STAT1: variants seen among roughly 807,000 people sequenced by gnomAD.
STAT1 encodes signal transducer and activator of transcription 1, also known as signal transducer and activator of transcription 1-alpha/beta.
STAT1 carries 24 observed loss-of-function variants against 111.7 expected under a neutral mutation model. The observed-to-expected ratio is 0.21, with a 90% confidence interval of 0.16 to 0.30. STAT1 has a LOEUF of 0.30. Ranked by LOEUF, STAT1 falls within the 10% of genes least tolerant of loss-of-function variation. The pLI is 1.00. For synonymous variants in STAT1, 332 were observed against 326.5 expected (o/e 1.02, Z -0.18); for missense variants, 351 against 911.9 (o/e 0.38, Z 7.92).
intron 12 of STAT1, among the ~76,000 whole-genome samples, chr2:190,988,728 T>C (rs1488970089): frequency 1.3e-5 from 2 of 152,188 alleles, no homozygotes; most frequent in East Asian, 1.9e-4. Context: ...AGCTAACCGA[T>C]ATACCAAAGA....
Position 190,995,292 on chromosome 2 carries a change from G to T in STAT1, c.786-73C>A. On this transcript the variant is annotated intron_variant, in intron 9 of 24. Coordinates refer to ENST00000361099, the MANE Select transcript of STAT1 (RefSeq NM_007315.4). This position sits in a 1 kb window ranked among gnomAD's most constrained non-coding sequence, Gnocchi z 4.2. ...GCAGCCTGGATTAAAGGGAATCATG[G>T]TATATTAGTCCATTCTCATGCTGCT... 1 of 1,429,222 alleles carries T rather than the reference G, an allele frequency of 7.0e-7. No homozygotes were observed. 88.5% of individuals were successfully genotyped at this position (1,429,222 alleles called of 1,614,324 possible).
rs553040083 is a variant in STAT1 at position 191,006,913 on chromosome 2, T to C, written c.372+650A>G. ...CCCTTGATTTTCCCATCAGCCTCCTTTTCTCTCCACAAACCTATTGAGTCC... is the reference window on the plus strand; with the variant it reads ...CCCTTGATTTTCCCATCAGCCTCCTCTTCTCTCCACAAACCTATTGAGTCC... On this transcript the variant is annotated intron_variant, in intron 5 of 24. Transcript: ENST00000361099. This position sits in a 1 kb window ranked among gnomAD's most constrained non-coding sequence, Gnocchi z 4.6. Among the ~76,000 whole-genome samples the C allele has an allele frequency of 1.3e-5, 2 of 152,256 alleles. No individual in the cohort carries two copies. Among genetic ancestry groups the C allele is most frequent in the East Asian group, 3.9e-4 (2 of 5,190 alleles).
chr2:190,983,583 C>G lies in STAT1; in HGVS notation c.1446+59G>C. On this transcript the variant is annotated intron_variant, in intron 17 of 24. Transcript: ENST00000361099. The surrounding 1 kb of genome is among the most constrained non-coding windows in gnomAD (Gnocchi z 5.7). ...CATTGGGGCTATTTCAGAGATGCAG[C>G]AGTGAGAGCGTGGGGTCTCTGCTTA... 1 of 1,444,588 alleles carries G rather than the reference C, an allele frequency of 6.9e-7. No homozygotes were observed. The highest frequency in any genetic ancestry group is 9.7e-7 in the Non-Finnish European group (1 of 1,026,062). 89.5% of individuals were successfully genotyped at this position (1,444,588 alleles called of 1,614,324 possible).
Position 190,984,293 on chromosome 2 carries a change from GACCA to G in STAT1, c.1347+13_1347+16del. The G allele has an allele frequency of 1.3e-6, 2 of 1,598,470 alleles. No homozygotes were observed. The highest frequency in any genetic ancestry group is 2.2e-5 in the South Asian group (2 of 90,698). On this transcript the variant is annotated intron_variant, in intron 16 of 24. Transcript: ENST00000361099. The surrounding 1 kb of genome is among the most constrained non-coding windows in gnomAD (Gnocchi z 5.2). ...AAAATAATGAAGTTTTCCAACTCGG[GACCA>G]TAAAAGTCTTACCTCGAGGTCAATT...
At position 190,987,134 on chromosome 2, in the gene STAT1, A is replaced by G. The variant is rs1424523725; in HGVS notation, c.1098-66T>C. On this transcript the variant is annotated intron_variant, in intron 12 of 24. Transcript: ENST00000361099. The surrounding 1 kb of genome is among the most constrained non-coding windows in gnomAD (Gnocchi z 4.0). ...ATTTGAAATAAGCTTTAACAAAATT[A>G]TAAGAGTATAAGAGCATAAGAGTGT... The G allele has an allele frequency of 3.6e-6, 4 of 1,124,498 alleles. No individual in the cohort carries two copies. In the Admixed American group the frequency reaches 5.2e-5, roughly 15 times the overall value. 69.7% of individuals were successfully genotyped at this position (1,124,498 alleles called of 1,614,324 possible).
chr2:190,979,966 G>A lies in STAT1; in HGVS notation c.1633-100C>T. The A allele has an allele frequency of 2.5e-6, 2 of 789,538 alleles. No individual in the cohort carries two copies. The highest frequency in any genetic ancestry group is 2.9e-5 in the South Asian group (2 of 69,782). The allele number at this position is 789,538 out of a possible 1,614,324, so 48.9% of individuals were successfully genotyped here. Reference sequence around the variant, plus strand: ...TTTGCAAAGACTCCCCAGGTGCCAAGGATGGAACTGTCCCATTCAGCACAG... The same window carrying A: ...TTTGCAAAGACTCCCCAGGTGCCAAAGATGGAACTGTCCCATTCAGCACAG... On this transcript the variant is annotated intron_variant, in intron 19 of 24. Transcript: ENST00000361099. The surrounding 1 kb of genome is among the most constrained non-coding windows in gnomAD (Gnocchi z 5.8).
rs886055374 is a variant in STAT1 at position 190,969,443 on chromosome 2, T to C, written c.*1260A>G. 2 of 152,214 alleles carry C rather than the reference T, an allele frequency of 1.3e-5. No individual in the cohort carries two copies. Among genetic ancestry groups the C allele is most frequent in the African/African-American group, 4.8e-5 (2 of 41,464 alleles). The allele number at this position is 152,214 out of a possible 1,614,324, so 9.4% of individuals were successfully genotyped here. On this transcript the variant is annotated 3_prime_UTR_variant, in exon 25 of 25. Coordinates refer to ENST00000361099, the MANE Select transcript of STAT1 (RefSeq NM_007315.4). ...AGTGGAAAAACAAGATACAGCCACA[T>C]AGACAGCAGTATGTAAAAGGGAAGA...
rs2125000014 is a variant in STAT1, at chr2:190,976,832, C to T, written c.2059+8G>A. 6.2e-7 allele frequency: 1 copy of T among 1,613,664 alleles called. No homozygotes were observed. Among genetic ancestry groups the T allele is most frequent in the Non-Finnish European group, 8.5e-7 (1 of 1,179,562 alleles). ...GCCACGCTGTTACCACCTGCTTGCC[C>T]CACTTACCTTCCTTTGGCCTGGAGT... is the stretch of plus-strand genomic sequence containing the variant. On this transcript the variant is annotated splice_region_variant and intron_variant, in intron 22 of 24. Coordinates refer to ENST00000361099, the MANE Select transcript of STAT1 (RefSeq NM_007315.4). The surrounding 1 kb of genome is among the most constrained non-coding windows in gnomAD (Gnocchi z 6.0).
intron 2 of STAT1, among the ~76,000 whole-genome samples, chr2:191,013,284 C>T (rs140670991): frequency 1.3e-5 from 2 of 152,290 alleles, no homozygotes; most frequent in Admixed American, 6.5e-5. Context: ...AACTCCTTAT[C>T]TATACAAACA....
chr2:191,005,519 G>C (rs1184534197), intron 5 of STAT1, among the ~76,000 whole-genome samples: 1 of 152,118 alleles, frequency 6.6e-6, no homozygotes, highest in Non-Finnish European at 1.5e-5. Context: ...ATTGCCCATA[G>C]CGTTCAGTAC....
rs1692829642 is a variant in STAT1 at position 190,986,483 on chromosome 2, C to A, written c.1221+371G>T. ...GGGAACACGGGGGCTGAGGAGTGAA[C>A]CCTGGTGTACAGGACCACACTTGGA... On this transcript the variant is annotated intron_variant, in intron 14 of 24. Coordinates refer to ENST00000361099, the MANE Select transcript of STAT1 (RefSeq NM_007315.4). This position sits in a 1 kb window ranked among gnomAD's most constrained non-coding sequence, Gnocchi z 5.0. 6.6e-6 allele frequency among the ~76,000 whole-genome samples: 1 copy of A among 152,124 alleles called. No individual in the cohort carries two copies. Among genetic ancestry groups the A allele is most frequent in the African/African-American group, 2.4e-5 (1 of 41,420 alleles).
In STAT1 at chr2:190,978,669, G is replaced by T; in HGVS notation, c.1873+187C>A. 1.4e-6 allele frequency: 1 copy of T among 736,788 alleles called. No homozygotes were observed. The highest frequency in any genetic ancestry group is 2.3e-6 in the Non-Finnish European group (1 of 435,994). The allele number at this position is 736,788 out of a possible 1,614,324, so 45.6% of individuals were successfully genotyped here. A position where few individuals can be genotyped will look rare whatever the true frequency, so the allele number is the denominator to read the frequency against. Reference sequence around the variant, plus strand: ...ACCATCATTTCCACAATATGTTCCAGAGAGTGAACCACAACCACAAACATT... The same window carrying T: ...ACCATCATTTCCACAATATGTTCCATAGAGTGAACCACAACCACAAACATT... On this transcript the variant is annotated intron_variant, in intron 21 of 24. Transcript: ENST00000361099. The surrounding 1 kb of genome is among the most constrained non-coding windows in gnomAD (Gnocchi z 6.1).
chr2:191,001,509 T>TA (rs1694270755), intron 5 of STAT1, among the ~76,000 whole-genome samples: 1 of 152,194 alleles, frequency 6.6e-6, no homozygotes, highest in Non-Finnish European at 1.5e-5. Context: ...TTATTTATCT[T>TA]AAAGCTTTCT....
Position 190,976,758 on chromosome 2 carries a change from T to C in STAT1, c.2059+82A>G. 3 of 1,258,416 alleles carry C rather than the reference T, an allele frequency of 2.4e-6. No individual in the cohort carries two copies. The highest frequency in any genetic ancestry group is 2.3e-6 in the Non-Finnish European group (2 of 858,854). The allele number at this position is 1,258,416 out of a possible 1,614,324, so 78.0% of individuals were successfully genotyped here. ...TCTTACCAATTCGAAAGCAAAACACTGCATGGGTGGAGTTTCAGAATAATC... is the reference window on the plus strand; with the variant it reads ...TCTTACCAATTCGAAAGCAAAACACCGCATGGGTGGAGTTTCAGAATAATC... On this transcript the variant is annotated intron_variant, in intron 22 of 24. Coordinates refer to ENST00000361099, the MANE Select transcript of STAT1 (RefSeq NM_007315.4). This position sits in a 1 kb window ranked among gnomAD's most constrained non-coding sequence, Gnocchi z 6.0.
chr2:190,980,862 C>A lies in STAT1; in HGVS notation c.1583-193G>T, dbSNP rs1032868726. ...AATTATAATACGTGCTGTAAGAGGG[C>A]GGAATTTAAATGGTCTAAAATATGT... On this transcript the variant is annotated intron_variant, in intron 18 of 24. Transcript: ENST00000361099. The surrounding 1 kb of genome is among the most constrained non-coding windows in gnomAD (Gnocchi z 6.1). Among the ~76,000 whole-genome samples, 1 of 152,080 alleles carries A rather than the reference C, an allele frequency of 6.6e-6. No homozygotes were observed. Among genetic ancestry groups the A allele is most frequent in the East Asian group, 1.9e-4 (1 of 5,194 alleles).
Position 190,986,828 on chromosome 2 carries a change from C to A in STAT1, c.1221+26G>T, listed in dbSNP as rs370249104. On this transcript the variant is annotated intron_variant, in intron 14 of 24. Coordinates refer to ENST00000361099, the MANE Select transcript of STAT1 (RefSeq NM_007315.4). This position sits in a 1 kb window ranked among gnomAD's most constrained non-coding sequence, Gnocchi z 5.0. ...AAAAGTCCTAAGAAACCAGAGACAA[C>A]ATAGAGAGGAAACTGATGTCCCTAC... is the stretch of plus-strand genomic sequence containing the variant. 8.8e-5 allele frequency: 142 copies of A among 1,605,500 alleles called. No individual in the cohort carries two copies. The highest frequency in any genetic ancestry group is 1.1e-4 in the Non-Finnish European group (129 of 1,172,158).
chr2:191,006,271 T>C lies in STAT1; in HGVS notation c.372+1292A>G, dbSNP rs1694686450. On this transcript the variant is annotated intron_variant, in intron 5 of 24. Transcript: ENST00000361099. This position sits in a 1 kb window ranked among gnomAD's most constrained non-coding sequence, Gnocchi z 4.6. ...ATGCCAGGTTAGAGACAGGCACACC[T>C]CTTTCAGAGGAGACAACCTGGCCAG... Among the ~76,000 whole-genome samples the C allele has an allele frequency of 6.6e-6, 1 of 152,204 alleles. No individual in the cohort carries two copies. Among genetic ancestry groups the C allele is most frequent in the African/African-American group, 2.4e-5 (1 of 41,452 alleles).
Position 190,976,717 on chromosome 2 carries a change from T to A in STAT1, c.2059+123A>T. 1.2e-6 allele frequency: 1 copy of A among 828,984 alleles called. No individual in the cohort carries two copies. The highest frequency in any genetic ancestry group is 2.1e-6 in the Non-Finnish European group (1 of 487,354). The allele number at this position is 828,984 out of a possible 1,614,324, so 51.4% of individuals were successfully genotyped here. Reference sequence around the variant, plus strand: ...TTTCACCTGCACTGAGTTTATGCCATCTTTTGAAAGCCTACTCTTACCAAT... The same window carrying A: ...TTTCACCTGCACTGAGTTTATGCCAACTTTTGAAAGCCTACTCTTACCAAT... On this transcript the variant is annotated intron_variant, in intron 22 of 24. Coordinates refer to ENST00000361099, the MANE Select transcript of STAT1 (RefSeq NM_007315.4). This position sits in a 1 kb window ranked among gnomAD's most constrained non-coding sequence, Gnocchi z 6.0.
Position 190,986,717 on chromosome 2 carries a change from G to C in STAT1, c.1221+137C>G, listed in dbSNP as rs112691604. On this transcript the variant is annotated intron_variant, in intron 14 of 24. Transcript: ENST00000361099. The surrounding 1 kb of genome is among the most constrained non-coding windows in gnomAD (Gnocchi z 5.0). ...CAAAATGCCCCAAGTACTGGCGACA[G>C]GAAGACACCAGCCACAAAGTCTACA... The C allele has an allele frequency of 9.6e-6, 8 of 832,590 alleles. 1 individual carries two copies. The highest frequency in any genetic ancestry group is 6.8e-5 in the African/African-American group (4 of 59,146). The allele number at this position is 832,590 out of a possible 1,614,324, so 51.6% of individuals were successfully genotyped here. A position where few individuals can be genotyped will look rare whatever the true frequency, so the allele number is the denominator to read the frequency against.
Sources: allele counts gnomAD v4.1 joint callset (sites outside exome capture counted in the v4.1 genomes callset), GRCh38; gene constraint gnomAD v4.1.1; non-coding constraint Gnocchi (gnomAD v3.1); transcripts MANE v1.5; gene names NCBI Gene and HGNC (gene_info 2026-07-23, HGNC 2026-07-21).